Variants in IL17RA observed in about 807,000 individuals in gnomAD.
IL17RA encodes the protein interleukin 17 receptor A, also known as interleukin-17 receptor A.
Under a neutral mutation model 50.4 loss-of-function variants are expected in IL17RA, and 34 were observed. The observed-to-expected ratio is 0.67, with a 90% CI of 0.51 to 0.90. The LOEUF (loss-of-function observed/expected upper bound fraction) is 0.90, where lower values mean the gene tolerates loss of function less well. Among genes scored for constraint, IL17RA ranks in the 40% least tolerant of loss-of-function variants. The pLI is 0.00. For missense variants in IL17RA, 1,276 were observed against 1,169.8 expected, an observed-to-expected ratio of 1.09 and a Z score of -1.32; for synonymous variants, 585 against 510.4, an observed-to-expected ratio of 1.15 and a Z score of -1.97.
At position 17,114,515 on chromosome 22, in the gene IL17RA, A is replaced by C. The variant is rs1222616838; in HGVS notation, c.*4695A>C. The C allele has an allele frequency of 6.6e-6, 1 of 152,156 alleles. No individual in the cohort carries two copies. The highest frequency in any genetic ancestry group is 1.5e-5 in the Non-Finnish European group (1 of 68,062). 9.4% of individuals were successfully genotyped at this position (152,156 alleles called of 1,614,324 possible). On this transcript the variant is annotated 3_prime_UTR_variant, in exon 13 of 13. Transcript: ENST00000319363. ...AACCCCTTAGGTCATTGACTATAAG[A>C]TGAGTTCGCTCACTGGATCCTTCCT...
chr22:17,085,572 G>A (rs1270448724), intron 1 of IL17RA, among the ~76,000 whole-genome samples: 1 of 152,174 alleles, frequency 6.6e-6, no homozygotes, highest in Non-Finnish European at 1.5e-5. Context: ...CAGGCCGGAG[G>A]GGCGGCCAGG....
chr22:17,090,911 T>C (rs1379117627), intron 1 of IL17RA, among the ~76,000 whole-genome samples: 4 of 152,234 alleles, frequency 2.6e-5, no homozygotes, highest in Non-Finnish European at 5.9e-5. Flanking sequence ...TTAGTTTTGT[T>C]CTATCAGACT....
At position 17,103,503 on chromosome 22, in the gene IL17RA, G is replaced by A; in HGVS notation, c.772G>A (p.Glu258Lys). 2 of 1,613,934 alleles carry A rather than the reference G, an allele frequency of 1.2e-6. No individual in the cohort carries two copies. Among genetic ancestry groups the A allele is most frequent in the Non-Finnish European group, 1.7e-6 (2 of 1,179,930 alleles). Residue 258 changes from glutamate (E) to lysine (K), a missense_variant, in exon 8 of 13, where the codon GAA (glutamate) becomes AAA (lysine). By Grantham distance (56) the Glu-to-Lys change is moderately conservative (BLOSUM62 1). Coordinates refer to ENST00000319363, the MANE Select transcript of IL17RA (RefSeq NM_014339.7). Reference sequence around the variant, plus strand: ...TCGCCTCTCTCCTCAGCCCAGACCAGAAGAGTTCCACCAGCGATCCAACGT... The same window carrying A: ...TCGCCTCTCTCCTCAGCCCAGACCAAAAGAGTTCCACCAGCGATCCAACGT... ...HMHHIPAPRP[E>K]EFHQRSNVTL...
chr22:17,096,397 T>A (rs13340087), intron 1 of IL17RA, among the ~76,000 whole-genome samples: 1 of 152,028 alleles, frequency 6.6e-6, no homozygotes, highest in Non-Finnish European at 1.5e-5. Context: ...CCCCAACAGA[T>A]CTGTCACAGA....
chr22:17,103,639 AGG>A, intron 8 of IL17RA, 62 bp downstream of exon 8: 1 of 1,239,256 alleles, frequency 8.1e-7, no homozygotes, highest in Non-Finnish European at 1.2e-6. Context: ...TAGAGTGGAC[AGG>A]AGTGAGGAGT....
intron 1 of IL17RA, 38 bp downstream of exon 1, chr22:17,085,267 C>G: frequency 1.3e-6 from 2 of 1,535,212 alleles, no homozygotes; most frequent in South Asian, 2.4e-5. Context: ...CGCCAGGATG[C>G]TGCGGACGCG....
Position 17,112,942 on chromosome 22 carries a change from C to G in IL17RA, c.*3122C>G, listed in dbSNP as rs1284258520. The G allele has an allele frequency of 6.6e-6, 1 of 151,928 alleles. No homozygotes were observed. The highest frequency in any genetic ancestry group is 1.5e-5 in the Non-Finnish European group (1 of 68,008). The allele number at this position is 151,928 out of a possible 1,614,324, so 9.4% of individuals were successfully genotyped here. A position where few individuals can be genotyped will look rare whatever the true frequency, so the allele number is the denominator to read the frequency against. On this transcript the variant is annotated 3_prime_UTR_variant, in exon 13 of 13. Transcript: ENST00000319363. Reference sequence around the variant, plus strand: ...CGCAGCCACCAACAAGCTCCCAACTCCCGCGTAGAGTTTCATGACTTTTTC... The same window carrying G: ...CGCAGCCACCAACAAGCTCCCAACTGCCGCGTAGAGTTTCATGACTTTTTC...
In IL17RA at chr22:17,105,645, G is replaced by A; in HGVS notation, c.943+43G>A. The A allele has an allele frequency of 3.1e-6, 5 of 1,609,890 alleles. No homozygotes were observed. The South Asian group carries it at 3.3e-5, about 11-fold the overall frequency. ...TCCGACAGCACTGCAGCCCTCAGGG[G>A]ACATTCCCCAGTGGCCACTTGAGAA... On this transcript the variant is annotated intron_variant, in intron 10 of 12. Transcript: ENST00000319363.
At position 17,085,163 on chromosome 22, in the gene IL17RA, C is replaced by T. The variant is rs1216984686; in HGVS notation, c.72C>T (p.Gly24=). ...TGGGGCTGCTCCTGCTGCTCCTGGG[C>T]GTGCTGGCCCCGGGTGGCGCCTCCC... is the stretch of plus-strand genomic sequence containing the variant. ...PLLGLLLLLL[G]VLAPGGASLR... Residue 24 remains glycine (G), a synonymous_variant, in exon 1 of 13, where the codon GGC becomes GGT. Transcript: ENST00000319363. The T allele has an allele frequency of 2.9e-5, 44 of 1,521,594 alleles. 1 individual carries two copies. In the Admixed American group the frequency reaches 8.7e-4, roughly 30 times the overall value. The allele number at this position is 1,521,594 out of a possible 1,614,324, so 94.3% of individuals were successfully genotyped here. A position where few individuals can be genotyped will look rare whatever the true frequency, so the allele number is the denominator to read the frequency against.
chr22:17,101,169 T>A (rs556202755), intron 5 of IL17RA, among the ~76,000 whole-genome samples: 1 of 152,306 alleles, frequency 6.6e-6, no homozygotes, highest in East Asian at 1.9e-4. Context: ...TTCTCCTGCC[T>A]CAGTCTCTCT....
intron 1 of IL17RA, among the ~76,000 whole-genome samples, chr22:17,094,687 C>CTATATATATATA (rs1290093835): frequency 6.9e-5 from 3 of 43,286 alleles, no homozygotes; most frequent in South Asian, 6.9e-4. Flanking sequence ...CTCTCTCTCT[C>CTATATATATATA]TCTCTATATA....
chr22:17,097,162 A>G, intron 2 of IL17RA, 76 bp downstream of exon 2: 1 of 1,421,660 alleles, frequency 7.0e-7, no homozygotes, highest in Middle Eastern at 1.7e-4. Context: ...TTCTGACAGA[A>G]GTCTTGCCAT....
chr22:17,108,519 CAGG>C lies in IL17RA; in HGVS notation c.1303_1305del (p.Glu435del). On this transcript the variant is annotated inframe_deletion, in exon 13 of 13. Coordinates refer to ENST00000319363, the MANE Select transcript of IL17RA (RefSeq NM_014339.7). Reference sequence around the variant, plus strand: ...CATGACCTGGGTGGGCCGTCAGAAGCAGGAGATGGTGGAGAGCAACTCTAAGAT... The same window carrying C: ...CATGACCTGGGTGGGCCGTCAGAAGCAGATGGTGGAGAGCAACTCTAAGAT... 6.2e-7 allele frequency: 1 copy of C among 1,611,846 alleles called. No individual in the cohort carries two copies. Among genetic ancestry groups the C allele is most frequent in the Non-Finnish European group, 8.5e-7 (1 of 1,180,010 alleles).
At position 17,111,313 on chromosome 22, in the gene IL17RA, G is replaced by T. The variant is rs2061441814; in HGVS notation, c.*1493G>T. The T allele has an allele frequency of 6.6e-6, 1 of 152,230 alleles. No individual in the cohort carries two copies. The highest frequency in any genetic ancestry group is 1.5e-5 in the Non-Finnish European group (1 of 68,060). The allele number at this position is 152,230 out of a possible 1,614,324, so 9.4% of individuals were successfully genotyped here. Reference sequence around the variant, plus strand: ...CCCTGCACCCGCGTTCCGACTATCAGTGGGGAGCTGTTAGCACGTAGGATT... The same window carrying T: ...CCCTGCACCCGCGTTCCGACTATCATTGGGGAGCTGTTAGCACGTAGGATT... On this transcript the variant is annotated 3_prime_UTR_variant, in exon 13 of 13. Coordinates refer to ENST00000319363, the MANE Select transcript of IL17RA (RefSeq NM_014339.7).
Position 17,111,819 on chromosome 22 carries a change from G to A in IL17RA, c.*1999G>A, listed in dbSNP as rs922118172. ...GGTAAGAGTTTCTAGCAGGAAGGTC[G>A]AGCCACTTACTGTAGGTCAAGAAGT... is the stretch of plus-strand genomic sequence containing the variant. On this transcript the variant is annotated 3_prime_UTR_variant, in exon 13 of 13. Coordinates refer to ENST00000319363, the MANE Select transcript of IL17RA (RefSeq NM_014339.7). 7 of 152,158 alleles carry A rather than the reference G, an allele frequency of 4.6e-5. No homozygotes were observed. Among genetic ancestry groups the A allele is most frequent in the African/African-American group, 7.2e-5 (3 of 41,408 alleles). The allele number at this position is 152,158 out of a possible 1,614,324, so 9.4% of individuals were successfully genotyped here.
intron 9 of IL17RA, 59 bp from the exon 10 acceptor site, chr22:17,105,532 G>A: frequency 6.4e-7 from 1 of 1,557,120 alleles, no homozygotes; most frequent in Non-Finnish European, 8.9e-7. Context: ...TGTGTTTCTT[G>A]TGATGACTGG....
intron 4 of IL17RA, among the ~76,000 whole-genome samples, chr22:17,100,028 C>T (rs2061384148): frequency 6.6e-6 from 1 of 151,912 alleles, no homozygotes; most frequent in Non-Finnish European, 1.5e-5. Flanking sequence ...TCCGCCCTCT[C>T]ATACCCATTG....
intron 7 of IL17RA, among the ~76,000 whole-genome samples, chr22:17,102,927 A>C (rs149541356): frequency 1.3e-5 from 2 of 152,360 alleles, no homozygotes; most frequent in East Asian, 3.9e-4. Flanking sequence ...GGATCACTTG[A>C]GGTCAGGAGT....
intron 1 of IL17RA, among the ~76,000 whole-genome samples, chr22:17,095,087 C>A (rs2061364095): frequency 6.6e-6 from 1 of 151,894 alleles, no homozygotes; most frequent in African/African-American, 2.4e-5. Context: ...AACTATGGAC[C>A]AATCTCATTT....
Sources: allele counts gnomAD v4.1 joint callset (sites outside exome capture counted in the v4.1 genomes callset), GRCh38; gene constraint gnomAD v4.1.1; transcripts MANE v1.5; gene names NCBI Gene and HGNC (gene_info 2026-07-23, HGNC 2026-07-21).